Variants in NIPSNAP2 observed in about 807,000 individuals in gnomAD.
NIPSNAP2 encodes the protein protein NipSnap homolog 2.
Under a neutral mutation model 48.4 loss-of-function variants are expected in NIPSNAP2, and 42 were observed. The ratio of observed to expected loss-of-function variants is 0.87; its 90% CI spans 0.68 to 1.12. The LOEUF (loss-of-function observed/expected upper bound fraction) is 1.12, where lower values mean the gene tolerates loss of function less well. Among genes scored for constraint, NIPSNAP2 ranks in the 50% most tolerant of loss-of-function variants. The pLI is 0.00. For synonymous variants in NIPSNAP2, 158 were observed against 126.6 expected, an observed-to-expected ratio of 1.25 and a Z score of -1.67; for missense variants, 314 against 347.3, an observed-to-expected ratio of 0.90 and a Z score of 0.76.
chr7:55,984,402 C>A (rs1364725264), intron 6 of NIPSNAP2, among the ~76,000 whole-genome samples: 1 of 151,988 alleles, frequency 6.6e-6, no homozygotes, highest in East Asian at 1.9e-4. Context: ...CATAGTGAGA[C>A]CCTGTCTCTA....
At chr7:55,998,042 G>A (rs7808487) in intron 9 of NIPSNAP2, among the ~76,000 whole-genome samples, 22,772 of 152,068 alleles carry the variant, frequency 0.15, 1,850 homozygotes, top group Non-Finnish European at 0.18. Context: ...ATTTCAGGCC[G>A]GGCGCAGTGG....
intron 1 of NIPSNAP2, among the ~76,000 whole-genome samples, chr7:55,973,245 A>G (rs542482468): frequency 1.5e-4 from 23 of 152,300 alleles, no homozygotes; most frequent in African/African-American, 5.1e-4. Context: ...AGGAATTTTT[A>G]TATATAGTAA....
intron 7 of NIPSNAP2, among the ~76,000 whole-genome samples, chr7:55,993,324 G>T (rs1402160654): frequency 6.6e-6 from 1 of 151,554 alleles, no homozygotes; most frequent in Non-Finnish European, 1.5e-5. Flanking sequence ...GGCTGGCCTG[G>T]TGGCTCATGC....
intron 7 of NIPSNAP2, 75 bp downstream of exon 7, chr7:55,984,953 GA>G (rs1399244752): frequency 3.4e-6 from 4 of 1,181,282 alleles, no homozygotes; most frequent in East Asian, 2.4e-5. Flanking sequence ...TAATTCTAGG[GA>G]AAAAAATCTG....
intron 8 of NIPSNAP2, among the ~76,000 whole-genome samples, chr7:55,997,132 C>T (rs1460445682): frequency 6.7e-6 from 1 of 149,936 alleles, no homozygotes; most frequent in Non-Finnish European, 1.5e-5. Flanking sequence ...GCGCTCCAGG[C>T]TGGTTGACAG....
At chr7:55,982,608 C>T (rs930054839) in intron 5 of NIPSNAP2, among the ~76,000 whole-genome samples, 1 of 151,876 alleles carries the variant, frequency 6.6e-6, no homozygotes, top group African/African-American at 2.4e-5. Context: ...AAAAATTAGC[C>T]GGGCTTGGTG....
intron 1 of NIPSNAP2, among the ~76,000 whole-genome samples, chr7:55,969,235 G>A (rs919721271): frequency 1.3e-5 from 2 of 152,074 alleles, no homozygotes; most frequent in African/African-American, 4.8e-5. Context: ...TGTGGAAGAC[G>A]GGGTACTGGG....
intron 3 of NIPSNAP2, chr7:55,980,497 C>T (rs1486334918): frequency 1.3e-5 from 2 of 152,108 alleles, no homozygotes; most frequent in South Asian, 2.1e-4. Flanking sequence ...CATTTCTTGC[C>T]CTTGATCCCC....
chr7:55,971,171 G>A (rs1277184260), intron 1 of NIPSNAP2, among the ~76,000 whole-genome samples: 1 of 152,120 alleles, frequency 6.6e-6, no homozygotes, highest in South Asian at 2.1e-4. Flanking sequence ...TATCATTTGG[G>A]CAGCCGTTGG....
At chr7:55,975,558 GA>G (rs1312462539) in intron 1 of NIPSNAP2, among the ~76,000 whole-genome samples, 1 of 152,092 alleles carries the variant, frequency 6.6e-6, no homozygotes, top group African/African-American at 2.4e-5. Flanking sequence ...GAGATGGGGA[GA>G]GGGGTTGATT....
At position 55,981,455 on chromosome 7, in the gene NIPSNAP2, C is replaced by T; in HGVS notation, c.279-18C>T. ...TTTGCTGGTTGTTTAATTAGTGTTG[C>T]TGTTTCTTCTCTTTAAGTCAAGAGG... On this transcript the variant is annotated intron_variant, in intron 3 of 9. Transcript: ENST00000322090. 6.3e-7 allele frequency: 1 copy of T among 1,595,562 alleles called. No individual in the cohort carries two copies. The highest frequency in any genetic ancestry group is 8.6e-7 in the Non-Finnish European group (1 of 1,164,378).
chr7:55,984,356 T>C (rs1787283936), intron 6 of NIPSNAP2, among the ~76,000 whole-genome samples: 1 of 152,120 alleles, frequency 6.6e-6, no homozygotes, highest in African/African-American at 2.4e-5. Context: ...GTTGGAGGAT[T>C]GCTTGAGCCA....
At chr7:55,971,498 C>T (rs1787014892) in intron 1 of NIPSNAP2, among the ~76,000 whole-genome samples, 1 of 152,122 alleles carries the variant, frequency 6.6e-6, no homozygotes, top group African/African-American at 2.4e-5. Context: ...TGGTCTTGCT[C>T]TGTTGCCCGG....
chr7:55,987,008 A>AC (rs1049269167), intron 7 of NIPSNAP2, among the ~76,000 whole-genome samples: 9 of 146,998 alleles, frequency 6.1e-5, no homozygotes, highest in Non-Finnish European at 1.1e-4. Flanking sequence ...AAAAAAAAAA[A>AC]AACTTGCCAG....
chr7:55,996,582 A>T (rs1787568016), intron 8 of NIPSNAP2, among the ~76,000 whole-genome samples: 2 of 152,138 alleles, frequency 1.3e-5, no homozygotes, highest in Non-Finnish European at 2.9e-5. Context: ...CCCTGCCCAG[A>T]TCAGTGTAGT....
At chr7:55,996,433 G>A (rs1787565834) in intron 8 of NIPSNAP2, among the ~76,000 whole-genome samples, 2 of 152,024 alleles carry the variant, frequency 1.3e-5, no homozygotes, top group Admixed American at 1.3e-4. Flanking sequence ...ACACCCACCT[G>A]GTCAGCTTGC....
intron 1 of NIPSNAP2, 63 bp from the exon 2 acceptor site, chr7:55,978,063 C>T: frequency 6.3e-7 from 1 of 1,576,816 alleles, no homozygotes; most frequent in East Asian, 2.2e-5. Context: ...CTGTGTTTGC[C>T]AGATTAACTG....
At chr7:55,985,739 C>A in intron 7 of NIPSNAP2, among the ~76,000 whole-genome samples, 1 of 140,532 alleles carries the variant, frequency 7.1e-6, no homozygotes, top group African/African-American at 2.7e-5. Flanking sequence ...GAGTGAGACC[C>A]TGTCTCAAAA....
chr7:55,992,343 G>A (rs941416353), intron 7 of NIPSNAP2, among the ~76,000 whole-genome samples: 1 of 152,086 alleles, frequency 6.6e-6, no homozygotes, highest in Non-Finnish European at 1.5e-5. Flanking sequence ...ATAAAAAATT[G>A]GCTGTGCTTA....
Sources: gnomAD v4.1 joint callset for allele counts (sites outside exome capture counted in the v4.1 genomes callset) on GRCh38, gnomAD v4.1.1 for gene constraint, MANE v1.5 for transcripts, NCBI Gene and HGNC (gene_info 2026-07-23, HGNC 2026-07-21) for gene names.